FRAS1: variants seen among roughly 807,000 people sequenced by gnomAD.
The protein encoded by FRAS1 is Fraser extracellular matrix complex subunit 1.
Under a neutral mutation model 435.2 loss-of-function variants are expected in FRAS1, and 290 were observed. That is an observed-to-expected ratio of 0.67 (90% CI 0.61 to 0.73). The LOEUF (loss-of-function observed/expected upper bound fraction) is 0.73. FRAS1 is among the 30% of genes least tolerant of loss of function. The pLI, the probability that FRAS1 is intolerant of heterozygous loss-of-function variation, is 0.00. For synonymous variants in FRAS1, 1,800 were observed against 1,851.0 expected (o/e 0.97, Z 0.71); for missense variants, 4,860 against 5,001.5 (o/e 0.97, Z 0.85).
intron 71 of FRAS1, among the ~76,000 whole-genome samples, chr4:78,535,624 C>T (rs1326411143): frequency 6.6e-6 from 1 of 152,180 alleles, no homozygotes; most frequent in Non-Finnish European, 1.5e-5. Flanking sequence ...TGGAGTCTGA[C>T]TCCTAGACAT....
At chr4:78,177,072 G>A (rs1440909238) in intron 2 of FRAS1, among the ~76,000 whole-genome samples, 1 of 150,206 alleles carries the variant, frequency 6.7e-6, no homozygotes, top group Non-Finnish European at 1.5e-5. Flanking sequence ...GGGAGGGAGA[G>A]AGAGAGTGAT....
intron 70 of FRAS1, among the ~76,000 whole-genome samples, chr4:78,533,320 A>T (rs1721779306): frequency 6.6e-6 from 1 of 152,232 alleles, no homozygotes; most frequent in Non-Finnish European, 1.5e-5. Flanking sequence ...ATATATGCTC[A>T]GTGAATATTT....
intron 66 of FRAS1, among the ~76,000 whole-genome samples, chr4:78,517,650 C>A (rs1721250421): frequency 6.6e-6 from 1 of 152,226 alleles, no homozygotes; most frequent in Non-Finnish European, 1.5e-5. Flanking sequence ...CTCTCTGAAC[C>A]TCTTCTGAAA....
In FRAS1 at chr4:78,419,193, T is replaced by G. The variant is rs1733666831; in HGVS notation, c.4540+130T>G. On this transcript the variant is annotated intron_variant, in intron 33 of 73. Coordinates refer to ENST00000512123, the MANE Select transcript of FRAS1 (RefSeq NM_025074.7). Reference sequence around the variant, plus strand: ...TTGTTGAGGTTTCAAGGAATAATGATTATTCATATTTCTCGCTCCTGTCTT... The same window carrying G: ...TTGTTGAGGTTTCAAGGAATAATGAGTATTCATATTTCTCGCTCCTGTCTT... 5.4e-6 allele frequency: 3 copies of G among 552,054 alleles called. No homozygotes were observed. In the South Asian group the frequency reaches 8.9e-5, roughly 16 times the overall value. 34.2% of individuals were successfully genotyped at this position (552,054 alleles called of 1,614,324 possible).
At chr4:78,437,274 G>C (rs1425088376) in intron 38 of FRAS1, among the ~76,000 whole-genome samples, 1 of 152,178 alleles carries the variant, frequency 6.6e-6, no homozygotes, top group South Asian at 2.1e-4. Context: ...TGTCCTTATA[G>C]TTTATCAGCA....
intron 15 of FRAS1, among the ~76,000 whole-genome samples, chr4:78,310,578 T>G (rs1362058066): frequency 2.0e-5 from 3 of 152,236 alleles, no homozygotes. Context: ...CGTCATGTGC[T>G]TAGCCTGATG....
chr4:78,376,210 G>T (rs909237902), intron 26 of FRAS1, among the ~76,000 whole-genome samples: 1 of 152,180 alleles, frequency 6.6e-6, no homozygotes, highest in Non-Finnish European at 1.5e-5. Flanking sequence ...TTTGCTTAAT[G>T]ATGGGGATAC....
chr4:78,176,345 C>T (rs1346594288), intron 2 of FRAS1, among the ~76,000 whole-genome samples: 3 of 152,006 alleles, frequency 2.0e-5, no homozygotes, highest in Admixed American at 6.6e-5. Flanking sequence ...GTAATCATTG[C>T]GCCCCTCCCA....
At chr4:78,502,673 G>C (rs1235582648) in intron 61 of FRAS1, among the ~76,000 whole-genome samples, 1 of 152,196 alleles carries the variant, frequency 6.6e-6, no homozygotes, top group East Asian at 1.9e-4. Context: ...GGGGCAATTT[G>C]ACTTCCTCTT....
chr4:78,292,322 C>T (rs903535467), intron 14 of FRAS1, among the ~76,000 whole-genome samples: 1 of 151,986 alleles, frequency 6.6e-6, no homozygotes, highest in Non-Finnish European at 1.5e-5. Flanking sequence ...TTTAAGTGCT[C>T]AGATTAAACA....
chr4:78,188,877 A>G (rs1722405298), intron 2 of FRAS1, among the ~76,000 whole-genome samples: 1 of 152,234 alleles, frequency 6.6e-6, no homozygotes. Context: ...AAATGACTAT[A>G]AAAGGGCAGC....
At chr4:78,510,963 CCTT>C (rs1454640884) in intron 63 of FRAS1, among the ~76,000 whole-genome samples, 2 of 152,194 alleles carry the variant, frequency 1.3e-5, no homozygotes, top group Non-Finnish European at 2.9e-5. Context: ...CTTGGGTCAT[CCTT>C]CTGCTGAGCC....
Position 78,481,984 on chromosome 4 carries a change from G to C in FRAS1, c.8604+20G>C. The C allele has an allele frequency of 6.2e-7, 1 of 1,608,392 alleles. No individual in the cohort carries two copies. The highest frequency in any genetic ancestry group is 8.5e-7 in the Non-Finnish European group (1 of 1,178,510). ...GAACAGGTGCGTTTACAGCAGTCGA[G>C]ACTCCACAAAGTTGACAGGTCGGTT... is the stretch of plus-strand genomic sequence containing the variant. On this transcript the variant is annotated intron_variant, in intron 57 of 73. Transcript: ENST00000512123.
intron 15 of FRAS1, 24 bp from the exon 16 acceptor site, chr4:78,315,569 TG>T: frequency 1.3e-6 from 2 of 1,595,958 alleles, no homozygotes; most frequent in Non-Finnish European, 1.7e-6. Context: ...TGCCTTTCTC[TG>T]ATGGGTTTTT....
intron 14 of FRAS1, among the ~76,000 whole-genome samples, chr4:78,297,088 G>A (rs895590033): frequency 6.6e-6 from 1 of 152,188 alleles, no homozygotes; most frequent in African/African-American, 2.4e-5. Flanking sequence ...CTAGTCATTT[G>A]TGAGATGAGA....
At chr4:78,149,984 G>A (rs1177032236) in intron 2 of FRAS1, among the ~76,000 whole-genome samples, 1 of 152,180 alleles carries the variant, frequency 6.6e-6, no homozygotes, top group Non-Finnish European at 1.5e-5. Context: ...CAAGTGAGTG[G>A]GAGGTTGGGT....
rs1560748771 is a variant in FRAS1, at chr4:78,475,682, T to G, written c.7851+76T>G. Reference sequence around the variant, plus strand: ...GCTGCAAGCAATTGTGGCACTTTCCTACTTCTTCCCAACTTTGCTTTTCAC... The same window carrying G: ...GCTGCAAGCAATTGTGGCACTTTCCGACTTCTTCCCAACTTTGCTTTTCAC... On this transcript the variant is annotated intron_variant, in intron 54 of 73. Transcript: ENST00000512123. The G allele has an allele frequency of 2.2e-6, 3 of 1,386,752 alleles. No individual in the cohort carries two copies. The East Asian group carries it at 7.1e-5, about 33-fold the overall frequency. 85.9% of individuals were successfully genotyped at this position (1,386,752 alleles called of 1,614,324 possible).
rs193116988 is a variant in FRAS1 at position 78,267,311 on chromosome 4, A to C, written c.860A>C (p.Tyr287Ser). The C allele has an allele frequency of 1.2e-6, 2 of 1,613,814 alleles. No homozygotes were observed. Among genetic ancestry groups the C allele is most frequent in the Non-Finnish European group, 8.5e-7 (1 of 1,179,838 alleles). ...ECVSPAGSCS[Y>S]DGVVRYQDEM... ...GTGTCTCCTGCCGGGAGCTGCTCCT[A>C]TGATGGAGTTGTGCGGTACCAGGAC... Residue 287 changes from tyrosine (Y) to serine (S), a missense_variant, in exon 9 of 74, where the codon TAT (tyrosine) becomes TCT (serine). Coordinates refer to ENST00000512123, the MANE Select transcript of FRAS1 (RefSeq NM_025074.7).
intron 2 of FRAS1, among the ~76,000 whole-genome samples, chr4:78,127,005 C>T (rs1190090455): frequency 6.6e-6 from 1 of 152,152 alleles, no homozygotes; most frequent in Admixed American, 6.6e-5. Flanking sequence ...AGTATGTGCC[C>T]AGCTTTGTAC....
Sources: gnomAD v4.1 joint callset for allele counts (sites outside exome capture counted in the v4.1 genomes callset) on GRCh38, gnomAD v4.1.1 for gene constraint, MANE v1.5 for transcripts, NCBI Gene and HGNC (gene_info 2026-07-23, HGNC 2026-07-21) for gene names.